Variants in CFAP57 observed in about 807,000 individuals in gnomAD.
CFAP57 encodes cilia- and flagella-associated protein 57.
CFAP57 carries 116 observed loss-of-function variants against 146.8 expected under a neutral mutation model. The ratio of observed to expected loss-of-function variants is 0.79; its 90% CI spans 0.68 to 0.92. The LOEUF is 0.92. Ranked by LOEUF, CFAP57 falls within the 40% of genes least tolerant of loss-of-function variation. The pLI is 0.00. For missense variants in CFAP57, 1,377 were observed against 1,527.2 expected, an observed-to-expected ratio of 0.90 and a Z score of 1.64; for synonymous variants, 518 against 552.8, an observed-to-expected ratio of 0.94 and a Z score of 0.88.
chr1:43,207,336 A>G (rs978565371), intron 10 of CFAP57, among the ~76,000 whole-genome samples: 5 of 152,200 alleles, frequency 3.3e-5, no homozygotes, highest in Non-Finnish European at 5.9e-5. Flanking sequence ...CATGGACTGT[A>G]AGATTGTAAT....
intron 22 of CFAP57, among the ~76,000 whole-genome samples, chr1:43,246,761 T>C (rs1646127922): frequency 6.6e-6 from 1 of 152,206 alleles, no homozygotes; most frequent in Non-Finnish European, 1.5e-5. Flanking sequence ...TCATGCTTAA[T>C]TGTATTAAAA....
chr1:43,200,636 TAA>T (rs1644079681), intron 9 of CFAP57, among the ~76,000 whole-genome samples: 1 of 152,058 alleles, frequency 6.6e-6, no homozygotes, highest in Non-Finnish European at 1.5e-5. Flanking sequence ...AATTTGGAGA[TAA>T]GAGGCCATTG....
At chr1:43,239,921 T>G (rs1030082566) in intron 21 of CFAP57, among the ~76,000 whole-genome samples, 8 of 152,238 alleles carry the variant, frequency 5.3e-5, no homozygotes, top group Non-Finnish European at 8.8e-5. Flanking sequence ...CTGCATTAGT[T>G]ATACATTTTC....
chr1:43,204,379 T>C (rs912041989), intron 9 of CFAP57, among the ~76,000 whole-genome samples: 2 of 151,530 alleles, frequency 1.3e-5, no homozygotes, highest in African/African-American at 4.9e-5. Context: ...TTCTTTCTTT[T>C]TCTTATTGGT....
chr1:43,186,694 G>C lies in CFAP57; in HGVS notation c.970-13G>C. On this transcript the variant is annotated splice_polypyrimidine_tract_variant and intron_variant, in intron 5 of 22. Transcript: ENST00000372492. ...TGGGGACATTACTGATAGCTGTTTTGCATTTTGGGCAGATTCCTGTGGACC... is the reference window on the plus strand; with the variant it reads ...TGGGGACATTACTGATAGCTGTTTTCCATTTTGGGCAGATTCCTGTGGACC... 1 of 1,613,016 alleles carries C rather than the reference G, an allele frequency of 6.2e-7. No homozygotes were observed. The highest frequency in any genetic ancestry group is 8.5e-7 in the Non-Finnish European group (1 of 1,179,796).
intron 21 of CFAP57, among the ~76,000 whole-genome samples, chr1:43,239,139 C>T (rs536467555): frequency 3.3e-5 from 5 of 152,220 alleles, no homozygotes; most frequent in African/African-American, 1.2e-4. Context: ...GGCAGCTCTG[C>T]AGTGGAGCCA....
chr1:43,224,972 C>T (rs1645189904), intron 17 of CFAP57, among the ~76,000 whole-genome samples: 2 of 152,158 alleles, frequency 1.3e-5, no homozygotes, highest in South Asian at 4.1e-4. Context: ...CTCAAGGGGT[C>T]TTGTAAGGAT....
rs79091845 is a variant in CFAP57 at position 43,246,093 on chromosome 1, A to C, written c.3538+2734A>C. 6.8e-4 allele frequency among the ~76,000 whole-genome samples: 104 copies of C among 152,372 alleles called. 1 individual carries two copies. The East Asian group carries it at 0.019, about 28-fold the overall frequency. ...TTGGAAGACTTGTCGTTAAGATGTC[A>C]GTACTACCCAAAGTGATCTGCAGAT... is the stretch of plus-strand genomic sequence containing the variant. On this transcript the variant is annotated intron_variant, in intron 22 of 22. Coordinates refer to ENST00000372492, the MANE Select transcript of CFAP57 (RefSeq NM_001378189.1).
intron 6 of CFAP57, 34 bp from the exon 7 acceptor site, chr1:43,197,519 C>T: frequency 6.2e-7 from 1 of 1,614,154 alleles, no homozygotes; most frequent in Non-Finnish European, 8.5e-7. Flanking sequence ...CTTTTGCTTA[C>T]TCTGCGGGAT....
rs199840868 is a variant in CFAP57, at chr1:43,172,941, G to T, written c.157+31G>T. 1.1e-5 allele frequency: 17 copies of T among 1,600,072 alleles called. 1 individual carries two copies. In the East Asian group the frequency reaches 3.8e-4, roughly 36 times the overall value. ...ACTTTTTCCATCCTGACATATACAG[G>T]AATGGTATGTGCCACATATAACCCC... On this transcript the variant is annotated intron_variant, in intron 2 of 22. Transcript: ENST00000372492.
chr1:43,172,666 C>T (rs1206351198), intron 1 of CFAP57, 69 bp from the exon 2 acceptor site: 1 of 1,523,308 alleles, frequency 6.6e-7, no homozygotes. Context: ...GAGGGCGAGT[C>T]CGGGCCGGGG....
At chr1:43,204,160 G>C (rs1644253806) in intron 9 of CFAP57, among the ~76,000 whole-genome samples, 1 of 152,166 alleles carries the variant, frequency 6.6e-6, no homozygotes, top group South Asian at 2.1e-4. Flanking sequence ...TTCAACTCCA[G>C]AATTTCCATT....
At chr1:43,189,539 T>G (rs1179236616) in intron 6 of CFAP57, among the ~76,000 whole-genome samples, 1 of 152,232 alleles carries the variant, frequency 6.6e-6, no homozygotes, top group African/African-American at 2.4e-5. Context: ...ATTTTTGGAT[T>G]GTTCATTCTA....
chr1:43,228,392 G>GACCTT (rs1320593906), intron 18 of CFAP57, among the ~76,000 whole-genome samples: 31 of 150,410 alleles, frequency 2.1e-4, no homozygotes, highest in South Asian at 1.1e-3. Flanking sequence ...AGACAAAATA[G>GACCTT]GCTTCTGCTC....
At chr1:43,228,518 G>A (rs888114872) in intron 18 of CFAP57, among the ~76,000 whole-genome samples, 6 of 148,898 alleles carry the variant, frequency 4.0e-5, no homozygotes, top group Admixed American at 6.6e-5. Context: ...CAGTCTGCCC[G>A]GTGACGCCTG....
intron 9 of CFAP57, among the ~76,000 whole-genome samples, chr1:43,202,484 A>T (rs1158768570): frequency 6.6e-6 from 1 of 152,178 alleles, no homozygotes; most frequent in Admixed American, 6.5e-5. Context: ...TATAGACATT[A>T]AAAAGATCTG....
At chr1:43,186,427 C>G (rs963724689) in intron 5 of CFAP57, among the ~76,000 whole-genome samples, 1 of 151,736 alleles carries the variant, frequency 6.6e-6, no homozygotes, top group African/African-American at 2.4e-5. Context: ...CTGGCTAACG[C>G]GGTGAAACCC....
rs1225400357 is a variant in CFAP57 at position 43,238,802 on chromosome 1, C to T, written c.3405+4164C>T. Among the ~76,000 whole-genome samples, 1 of 151,990 alleles carries T rather than the reference C, an allele frequency of 6.6e-6. No individual in the cohort carries two copies. Among genetic ancestry groups the T allele is most frequent in the African/African-American group, 2.4e-5 (1 of 41,346 alleles). On this transcript the variant is annotated intron_variant, in intron 21 of 22. Transcript: ENST00000372492. The surrounding 1 kb of genome is among the most constrained non-coding windows in gnomAD (Gnocchi z 4.3). Reference sequence around the variant, plus strand: ...AGCAGAGCCTGGAAAGCAGTAGTCACGGAGGAGCAGGGCTCTCTGGATGGA... The same window carrying T: ...AGCAGAGCCTGGAAAGCAGTAGTCATGGAGGAGCAGGGCTCTCTGGATGGA...
intron 6 of CFAP57, chr1:43,196,536 A>G (rs1569989042): frequency 2.6e-5 from 4 of 151,868 alleles, no homozygotes; most frequent in African/African-American, 9.7e-5. Flanking sequence ...GGATGCAGAT[A>G]AATTTATAAG....
Sources: allele counts gnomAD v4.1 joint callset (sites outside exome capture counted in the v4.1 genomes callset), GRCh38; gene constraint gnomAD v4.1.1; non-coding constraint Gnocchi (gnomAD v3.1); transcripts MANE v1.5; gene names NCBI Gene and HGNC (gene_info 2026-07-23, HGNC 2026-07-21).